NCOA2: variants seen among roughly 807,000 people sequenced by gnomAD.
NCOA2 encodes nuclear receptor coactivator 2, also known as class E basic helix-loop-helix protein 75.
Under a neutral mutation model 145.1 loss-of-function variants are expected in NCOA2, and 21 were observed. That is an observed-to-expected ratio of 0.14 (90% CI 0.10 to 0.21). The LOEUF is 0.21. Among genes scored for constraint, NCOA2 ranks in the 10% least tolerant of loss-of-function variants. The probability of loss-of-function intolerance (pLI) is 1.00; values close to 1 mark genes in which losing one functional copy is unlikely to be tolerated. For synonymous variants in NCOA2, 619 were observed against 637.5 expected (o/e 0.97, Z 0.44); for missense variants, 1,472 against 1,837.6 (o/e 0.80, Z 3.64).
At position 70,159,522 on chromosome 8, in the gene NCOA2, A is replaced by G. The variant is rs1180486479; in HGVS notation, c.1107T>C (p.Ser369=). 3 of 1,609,198 alleles carry G rather than the reference A, an allele frequency of 1.9e-6. No individual in the cohort carries two copies. The African/African-American group carries it at 4.0e-5, about 22-fold the overall frequency. Residue 369 remains serine (S), a synonymous_variant, in exon 10 of 23, where the codon TCT becomes TCC. Transcript: ENST00000452400. ...AGGATTACCTGTGAAGCATATGTAA[A>G]GATATTACAAGTTGAGGTTCATTAG... ...QTTNEPQLVI[S]LHMLHREQNV...
chr8:70,381,259 C>CT lies in NCOA2; in HGVS notation c.-77+22440dup, dbSNP rs150666594. Among the ~76,000 whole-genome samples, 941 of 151,882 alleles carry CT rather than the reference C, an allele frequency of 6.2e-3. 12 individuals carry two copies. Among genetic ancestry groups the CT allele is most frequent in the African/African-American group, 0.021 (879 of 41,266 alleles). ...AGGGATATTTTGCCAATACCAAAAA[C>CT]TTTAACTTTTAGGAATTTCAGGAAG... On this transcript the variant is annotated intron_variant, in intron 1 of 22. Coordinates refer to ENST00000452400, the MANE Select transcript of NCOA2 (RefSeq NM_006540.4).
intron 11 of NCOA2, among the ~76,000 whole-genome samples, chr8:70,152,159 G>C (rs896269679): frequency 2.6e-5 from 4 of 152,140 alleles, no homozygotes; most frequent in Admixed American, 6.5e-5. Context: ...TGAGTTGTTA[G>C]TTTAAACTAT....
intron 16 of NCOA2, among the ~76,000 whole-genome samples, chr8:70,131,177 T>C (rs575326798): frequency 6.7e-6 from 1 of 149,164 alleles, no homozygotes; most frequent in Non-Finnish European, 1.5e-5. Flanking sequence ...CAACTGGCTG[T>C]GACATTTTAT....
intron 1 of NCOA2, among the ~76,000 whole-genome samples, chr8:70,375,692 A>C (rs970996226): frequency 6.6e-6 from 1 of 152,178 alleles, no homozygotes; most frequent in Non-Finnish European, 1.5e-5. Flanking sequence ...ACCTGGTTAG[A>C]GTTCCACAAC....
chr8:70,442,116 GAAGAAAGAAAGAAAGA>G, the NCOA2 span, among the ~76,000 whole-genome samples: 36 of 82,448 alleles, frequency 4.4e-4, no homozygotes, highest in Non-Finnish European at 9.4e-4. Flanking sequence ...GAGAAAGAAA[GAAGAAAGAAAGAAAGA>G]AAGAAAGAAA....
At chr8:70,164,400 A>G (rs1183125817) in intron 7 of NCOA2, among the ~76,000 whole-genome samples, 1 of 152,206 alleles carries the variant, frequency 6.6e-6, no homozygotes, top group Non-Finnish European at 1.5e-5. Flanking sequence ...GTCTTCTTAT[A>G]TCACTGATTT....
rs776368758 is a variant in NCOA2 at position 70,141,224 on chromosome 8, A to G, written c.2988T>C (p.Pro996=). ...ASIPMRPSSQ[P]GQRQTLQSQV... Reference sequence around the variant, plus strand: ...GAGACTGAAGCGTCTGTCTTTGGCCAGGCTGGCTGCTGGGCCTCATGGGGA... The same window carrying G: ...GAGACTGAAGCGTCTGTCTTTGGCCGGGCTGGCTGCTGGGCCTCATGGGGA... The change falls in exon 14 of 23, where the codon CCT becomes CCC. Residue 996 remains proline (P), a synonymous_variant. Transcript: ENST00000452400. 2 of 1,613,854 alleles carry G rather than the reference A, an allele frequency of 1.2e-6. No individual in the cohort carries two copies.
At chr8:70,374,944 G>A (rs556664009) in intron 1 of NCOA2, among the ~76,000 whole-genome samples, 1 of 149,216 alleles carries the variant, frequency 6.7e-6, no homozygotes, top group African/African-American at 2.5e-5. Context: ...AATTTCATAA[G>A]GAAAACAATT....
chr8:70,280,624 A>G (rs956377927), intron 2 of NCOA2, among the ~76,000 whole-genome samples: 1 of 152,146 alleles, frequency 6.6e-6, no homozygotes, highest in African/African-American at 2.4e-5. Flanking sequence ...GTTAATCTAA[A>G]CTAGATTTCT....
intron 4 of NCOA2, among the ~76,000 whole-genome samples, chr8:70,199,857 C>T (rs903573263): frequency 1.3e-5 from 2 of 152,114 alleles, no homozygotes; most frequent in African/African-American, 2.4e-5. Context: ...TTAATACTCA[C>T]GCTATCAGGA....
chr8:70,188,544 T>C (rs1308786429), intron 4 of NCOA2, among the ~76,000 whole-genome samples: 1 of 152,202 alleles, frequency 6.6e-6, no homozygotes, highest in Non-Finnish European at 1.5e-5. Context: ...GAAGTAATAA[T>C]ATTATTCTGC....
At chr8:70,146,666 C>G (rs934243627) in intron 12 of NCOA2, among the ~76,000 whole-genome samples, 5 of 151,772 alleles carry the variant, frequency 3.3e-5, no homozygotes, top group Admixed American at 3.3e-4. Flanking sequence ...ATAACCTCCC[C>G]TAGGGCTAAT....
At chr8:70,289,783 C>A (rs1826522378) in intron 2 of NCOA2, among the ~76,000 whole-genome samples, 1 of 152,134 alleles carries the variant, frequency 6.6e-6, no homozygotes, top group African/African-American at 2.4e-5. Context: ...TTGATTTAAA[C>A]TGTATGTTGA....
chr8:70,446,672 C>T, the NCOA2 span, among the ~76,000 whole-genome samples: 1 of 152,074 alleles, frequency 6.6e-6, no homozygotes, highest in African/African-American at 2.4e-5. Context: ...ATGAGCTGAG[C>T]TATTTTTCAA....
At chr8:70,346,756 T>C (rs2136586000) in intron 1 of NCOA2, among the ~76,000 whole-genome samples, 1 of 152,310 alleles carries the variant, frequency 6.6e-6, no homozygotes, top group Middle Eastern at 3.4e-3. Context: ...AGCTAACAAG[T>C]ACTCAAGCTG....
upstream of NCOA2, among the ~76,000 whole-genome samples, chr8:70,408,599 G>C (rs1814815273): frequency 6.6e-6 from 1 of 152,110 alleles, no homozygotes; most frequent in African/African-American, 2.4e-5. Flanking sequence ...AGGAGTTGTA[G>C]ACCAGCGTGG....
intron 1 of NCOA2, among the ~76,000 whole-genome samples, chr8:70,352,307 A>C (rs1047793239): frequency 6.6e-6 from 1 of 152,166 alleles, no homozygotes; most frequent in Non-Finnish European, 1.5e-5. Flanking sequence ...AAAATTGCCC[A>C]ATGTCCAGAA....
At chr8:70,285,071 TG>T (rs1826143644) in intron 2 of NCOA2, among the ~76,000 whole-genome samples, 1 of 152,182 alleles carries the variant, frequency 6.6e-6, no homozygotes, top group South Asian at 2.1e-4. Context: ...TAGCTACAGG[TG>T]ACTACCTATA....
At chr8:70,375,746 G>T (rs569343881) in intron 1 of NCOA2, among the ~76,000 whole-genome samples, 1 of 151,998 alleles carries the variant, frequency 6.6e-6, no homozygotes, top group Non-Finnish European at 1.5e-5. Context: ...CTACCTTACC[G>T]AACAGCATGA....
Sources: allele counts gnomAD v4.1 joint callset (sites outside exome capture counted in the v4.1 genomes callset), GRCh38; gene constraint gnomAD v4.1.1; transcripts MANE v1.5; gene names NCBI Gene and HGNC (gene_info 2026-07-23, HGNC 2026-07-21).